The following ACOX3 variants were observed in gnomAD, a reference collection of about 807,000 sequenced individuals.
ACOX3 encodes peroxisomal acyl-coenzyme A oxidase 3.
A neutral mutation model predicts 81.5 loss-of-function variants in ACOX3; 73 were observed. That is an observed-to-expected ratio of 0.90 (90% confidence interval 0.74 to 1.09). The LOEUF is 1.09. ACOX3 is among the 50% of genes least tolerant of loss of function. The pLI is 0.00. For missense variants in ACOX3, 947 were observed against 928.0 expected, an observed-to-expected ratio of 1.02 and a Z score of -0.27; for synonymous variants, 387 against 375.1, an observed-to-expected ratio of 1.03 and a Z score of -0.37.
chr4:8,429,946 A>G (rs994596222), intron 1 of ACOX3, among the ~76,000 whole-genome samples: 1 of 152,156 alleles, frequency 6.6e-6, no homozygotes, highest in Non-Finnish European at 1.5e-5. Flanking sequence ...AAGGAAAACT[A>G]AATCCAAAGG....
rs1173319874 is a variant in ACOX3, at chr4:8,386,165, T to G, written c.1537+3008A>C. Among the ~76,000 whole-genome samples the G allele has an allele frequency of 6.6e-6, 1 of 152,140 alleles. No homozygotes were observed. Among genetic ancestry groups the G allele is most frequent in the East Asian group, 1.9e-4 (1 of 5,192 alleles). ...TGTCCCATTTATGTTTTGATTTTAT[T>G]AATATAAGGAGTGATGGTTTTAGGA... On this transcript the variant is annotated intron_variant, in intron 13 of 17. Coordinates refer to ENST00000356406, the MANE Select transcript of ACOX3 (RefSeq NM_003501.3). The surrounding 1 kb of genome is among the most constrained non-coding windows in gnomAD (Gnocchi z 5.2).
intron 10 of ACOX3, among the ~76,000 whole-genome samples, chr4:8,393,653 A>G (rs1719332286): frequency 1.3e-5 from 2 of 151,044 alleles, no homozygotes; most frequent in Admixed American, 6.6e-5. Context: ...ACACACACAC[A>G]CACACACGCA....
rs1719450620 is a variant in ACOX3, at chr4:8,394,570, A to G, written c.1179+50T>C. The G allele has an allele frequency of 6.2e-7, 1 of 1,602,854 alleles. No individual in the cohort carries two copies. The highest frequency in any genetic ancestry group is 1.3e-5 in the African/African-American group (1 of 74,744). On this transcript the variant is annotated intron_variant, in intron 10 of 17. Coordinates refer to ENST00000356406, the MANE Select transcript of ACOX3 (RefSeq NM_003501.3). This position sits in a 1 kb window ranked among gnomAD's most constrained non-coding sequence, Gnocchi z 5.9. Reference sequence around the variant, plus strand: ...ATGAAGGTTGAATCTATGCTGCTCCAACCGTGTGAGATTTAAACGATGCTG... The same window carrying G: ...ATGAAGGTTGAATCTATGCTGCTCCGACCGTGTGAGATTTAAACGATGCTG...
At position 8,403,222 on chromosome 4, in the gene ACOX3, C is replaced by A. The variant is rs147037852; in HGVS notation, c.776+2733G>T. On this transcript the variant is annotated intron_variant, in intron 7 of 17. Coordinates refer to ENST00000356406, the MANE Select transcript of ACOX3 (RefSeq NM_003501.3). Reference sequence around the variant, plus strand: ...ACCTACAAATTGTAACCACTTTTTTCAAGATAAATGATTTCAACATTGGTA... The same window carrying A: ...ACCTACAAATTGTAACCACTTTTTTAAAGATAAATGATTTCAACATTGGTA... Among the ~76,000 whole-genome samples, 177 of 152,258 alleles carry A rather than the reference C, an allele frequency of 1.2e-3. 3 individuals carry two copies. The highest frequency in any genetic ancestry group is 4.0e-3 in the African/African-American group (167 of 41,560).
intron 11 of ACOX3, among the ~76,000 whole-genome samples, chr4:8,390,947 T>A (rs1349319801): frequency 6.6e-6 from 1 of 152,166 alleles, no homozygotes; most frequent in Admixed American, 6.5e-5. Context: ...ACATTTGCAA[T>A]TGATTTTCTA....
chr4:8,403,434 C>T, intron 7 of ACOX3, among the ~76,000 whole-genome samples: 1 of 152,180 alleles, frequency 6.6e-6, no homozygotes, highest in East Asian at 1.9e-4. Flanking sequence ...GCCTGCATCA[C>T]CCCGGCTGGC....
the ACOX3 span, chr4:8,357,167 G>A: frequency 3.3e-4 from 150 of 456,762 alleles, no homozygotes; most frequent in African/African-American, 2.7e-3. Flanking sequence ...TGAGCAGAAC[G>A]GTGCATGCTA....
rs1392787076 is a variant in ACOX3, at chr4:8,406,591, AC to A, written c.688-549del. Reference sequence around the variant, plus strand: ...TGCACTGATACTTATTGGATACAAGACAAAGGCAGGATAAGGAGAGTGAGCC... The same window carrying A: ...TGCACTGATACTTATTGGATACAAGAAAAGGCAGGATAAGGAGAGTGAGCC... On this transcript the variant is annotated intron_variant, in intron 6 of 17. Transcript: ENST00000356406. The surrounding 1 kb of genome is among the most constrained non-coding windows in gnomAD (Gnocchi z 5.6). Among the ~76,000 whole-genome samples, 2 of 152,174 alleles carry A rather than the reference AC, an allele frequency of 1.3e-5. No individual in the cohort carries two copies. The highest frequency in any genetic ancestry group is 2.9e-5 in the Non-Finnish European group (2 of 68,028).
At chr4:8,371,828 T>C (rs1716249355) in intron 16 of ACOX3, among the ~76,000 whole-genome samples, 1 of 152,374 alleles carries the variant, frequency 6.6e-6, no homozygotes, top group South Asian at 2.1e-4. Context: ...ACGTGTTCCG[T>C]AAGGGTCCAG....
chr4:8,356,877 A>C, the ACOX3 span: 1 of 454,468 alleles, frequency 2.2e-6, no homozygotes, highest in Admixed American at 2.4e-5. Flanking sequence ...ACATGATCCC[A>C]GCAGGGGAGA....
chr4:8,356,441 A>G, the ACOX3 span: 2 of 421,116 alleles, frequency 4.7e-6, no homozygotes, highest in Non-Finnish European at 9.6e-6. Flanking sequence ...TGATCTCTCC[A>G]TCTCTCAGGA....
At chr4:8,373,062 G>A (rs1173683871) in intron 16 of ACOX3, among the ~76,000 whole-genome samples, 1 of 152,188 alleles carries the variant, frequency 6.6e-6, no homozygotes, top group Non-Finnish European at 1.5e-5. Flanking sequence ...GATTTCCTGG[G>A]TGACATAGGT....
intron 14 of ACOX3, among the ~76,000 whole-genome samples, chr4:8,376,392 G>A (rs1716968818): frequency 6.6e-6 from 1 of 151,890 alleles, no homozygotes; most frequent in African/African-American, 2.4e-5. Context: ...TGGTGTATGG[G>A]GGACTGACTG....
rs1273281455 is a variant in ACOX3 at position 8,416,549 on chromosome 4, G to A, written c.-14-14C>T. 2.6e-6 allele frequency: 4 copies of A among 1,565,662 alleles called. No homozygotes were observed. The highest frequency in any genetic ancestry group is 2.6e-6 in the Non-Finnish European group (3 of 1,154,968). On this transcript the variant is annotated splice_polypyrimidine_tract_variant and intron_variant, in intron 1 of 17. Coordinates refer to ENST00000356406, the MANE Select transcript of ACOX3 (RefSeq NM_003501.3). This position sits in a 1 kb window ranked among gnomAD's most constrained non-coding sequence, Gnocchi z 4.2. ...CGTGATAAGAGCCTGCACAAAACAT[G>A]CAACCTGAATCCATGCTCTCCCATC...
chr4:8,361,712 T>C (rs554217402), downstream of ACOX3, among the ~76,000 whole-genome samples: 1 of 152,332 alleles, frequency 6.6e-6, no homozygotes, highest in East Asian at 1.9e-4. Context: ...ACTTACCTTA[T>C]GGCCAAACTG....
intron 1 of ACOX3, among the ~76,000 whole-genome samples, chr4:8,427,671 T>A (rs1424262110): frequency 6.6e-6 from 1 of 152,198 alleles, no homozygotes; most frequent in East Asian, 1.9e-4. Flanking sequence ...TTCCATTCCT[T>A]GGAATCCATG....
At position 8,381,722 on chromosome 4, in the gene ACOX3, A is replaced by G. The variant is rs558278672; in HGVS notation, c.1538-115T>C. On this transcript the variant is annotated intron_variant, in intron 13 of 17. Transcript: ENST00000356406. This position sits in a 1 kb window ranked among gnomAD's most constrained non-coding sequence, Gnocchi z 4.3. ...ATCCTGCAGGTACCAGGTTGTCTTC[A>G]TTGACAACCAAGTGTATGGGGTGGG... 8.1e-6 allele frequency: 6 copies of G among 744,026 alleles called. No homozygotes were observed. The highest frequency in any genetic ancestry group is 7.9e-5 in the East Asian group (3 of 38,120). The allele number at this position is 744,026 out of a possible 1,614,324, so 46.1% of individuals were successfully genotyped here.
chr4:8,408,154 T>G (rs1457122573), intron 6 of ACOX3, among the ~76,000 whole-genome samples: 1 of 151,658 alleles, frequency 6.6e-6, no homozygotes, highest in Non-Finnish European at 1.5e-5. Context: ...TCACTGAACT[T>G]TAAAATAAAG....
chr4:8,426,338 G>T (rs948522674), intron 1 of ACOX3, among the ~76,000 whole-genome samples: 1 of 152,072 alleles, frequency 6.6e-6, no homozygotes, highest in Non-Finnish European at 1.5e-5. Context: ...TGCAGTTAAA[G>T]TGTCTGGAGT....
Sources: gnomAD v4.1 joint callset for allele counts (sites outside exome capture counted in the v4.1 genomes callset) on GRCh38, gnomAD v4.1.1 for gene constraint, Gnocchi (gnomAD v3.1) non-coding constraint, MANE v1.5 for transcripts, NCBI Gene and HGNC (gene_info 2026-07-23, HGNC 2026-07-21) for gene names.